Variants in DLGAP2 observed in about 807,000 individuals in gnomAD.
The protein encoded by DLGAP2 is DLG associated protein 2, also known as disks large-associated protein 2.
DLGAP2 carries 26 observed loss-of-function variants against 100.3 expected under a neutral mutation model. The ratio of observed to expected loss-of-function variants is 0.26; its 90% CI spans 0.19 to 0.36. The LOEUF (loss-of-function observed/expected upper bound fraction) is 0.36, where lower values mean the gene tolerates loss of function less well. Among genes scored for constraint, DLGAP2 ranks in the 10% least tolerant of loss-of-function variants. The probability of loss-of-function intolerance (pLI) is 1.00; values close to 1 mark genes in which losing one functional copy is unlikely to be tolerated. For missense variants in DLGAP2, 1,858 were observed against 1,453.2 expected (o/e 1.28, Z -4.53); for synonymous variants, 886 against 630.1 (o/e 1.41, Z -6.08).
chr8:1,240,290 G>A lies in DLGAP2; in HGVS notation c.74-18561G>A, dbSNP rs574010333. Among the ~76,000 whole-genome samples the A allele has an allele frequency of 3.2e-3, 200 of 62,326 alleles. 2 individuals carry two copies. Among genetic ancestry groups the A allele is most frequent in the African/African-American group, 6.7e-3 (159 of 23,862 alleles). The allele number at this position is 62,326 out of a possible 152,430, so 40.9% of individuals were successfully genotyped here. The stretch of plus-strand genomic sequence containing the variant: ...GCCGTGTCTAGTTCTGTTACATGGC[G>A]CCGTGTCTAGTTCTCTCACATGGTG... On this transcript the variant is annotated intron_variant, in intron 2 of 14. Coordinates refer to ENST00000637795, the MANE Select transcript of DLGAP2 (RefSeq NM_001346810.2).
chr8:1,241,103 C>T (rs868200667), intron 2 of DLGAP2, among the ~76,000 whole-genome samples: 10 of 104,754 alleles, frequency 9.5e-5, no homozygotes, highest in African/African-American at 3.2e-4. Flanking sequence ...CACATGGCGC[C>T]GTGTCTGGTT....
intron 2 of DLGAP2, among the ~76,000 whole-genome samples, chr8:1,141,595 C>G (rs1796523580): frequency 6.6e-6 from 1 of 152,104 alleles, no homozygotes; most frequent in Admixed American, 6.5e-5. Flanking sequence ...TACACCAATT[C>G]TAGAATATTT....
chr8:1,129,619 C>T (rs528414659), intron 2 of DLGAP2, among the ~76,000 whole-genome samples: 1 of 152,234 alleles, frequency 6.6e-6, no homozygotes, highest in African/African-American at 2.4e-5. Context: ...GCCAGTGTTG[C>T]CTCGTAGGTG....
chr8:1,522,441 C>A (rs567223710), intron 4 of DLGAP2, among the ~76,000 whole-genome samples: 3 of 152,200 alleles, frequency 2.0e-5, no homozygotes, highest in Non-Finnish European at 4.4e-5. Flanking sequence ...TTGCTCAGAG[C>A]ACGGGATCCA....
chr8:1,439,435 C>A (rs753267027), intron 3 of DLGAP2, among the ~76,000 whole-genome samples: 10 of 152,148 alleles, frequency 6.6e-5, no homozygotes, highest in African/African-American at 2.2e-4. Flanking sequence ...TAGTTCCTCA[C>A]GGGAGCCCAC....
At chr8:1,184,501 T>A (rs1797458010) in intron 2 of DLGAP2, among the ~76,000 whole-genome samples, 1 of 152,036 alleles carries the variant, frequency 6.6e-6, no homozygotes. Context: ...GTACCCGGGG[T>A]GCACGCGCTG....
chr8:1,041,224 C>A (rs1387109248), intron 2 of DLGAP2, among the ~76,000 whole-genome samples: 4 of 152,198 alleles, frequency 2.6e-5, no homozygotes, highest in African/African-American at 9.7e-5. Flanking sequence ...GCCACAGACC[C>A]CAAACCCACT....
chr8:1,213,628 C>T (rs1346279825), intron 2 of DLGAP2, among the ~76,000 whole-genome samples: 2 of 152,146 alleles, frequency 1.3e-5, no homozygotes, highest in Non-Finnish European at 2.9e-5. Context: ...TCATGCATTC[C>T]TTAGGGAGCT....
chr8:1,285,939 CA>C (rs1162173315), intron 3 of DLGAP2, among the ~76,000 whole-genome samples: 1 of 152,226 alleles, frequency 6.6e-6, no homozygotes, highest in Non-Finnish European at 1.5e-5. Flanking sequence ...GTCTGGGCAA[CA>C]GAGACCCTGT....
intron 3 of DLGAP2, among the ~76,000 whole-genome samples, chr8:1,454,349 T>C (rs1488643758): frequency 3.3e-5 from 5 of 151,586 alleles, no homozygotes; most frequent in Non-Finnish European, 5.9e-5. Flanking sequence ...TTTCTTCCTC[T>C]GTAACGTTTT....
chr8:1,277,722 A>G (rs1050759916), intron 3 of DLGAP2, among the ~76,000 whole-genome samples: 3 of 152,276 alleles, frequency 2.0e-5, no homozygotes, highest in African/African-American at 7.2e-5. Flanking sequence ...AGGTCGGGGC[A>G]GGAATCAGCA....
chr8:1,436,091 A>G (rs555828492), intron 3 of DLGAP2, among the ~76,000 whole-genome samples: 79 of 152,286 alleles, frequency 5.2e-4, no homozygotes, highest in African/African-American at 1.8e-3. Context: ...GGATAGGTGT[A>G]TATATGAAAG....
intron 3 of DLGAP2, among the ~76,000 whole-genome samples, chr8:1,273,182 C>T (rs943480093): frequency 3.3e-5 from 5 of 152,258 alleles, no homozygotes; most frequent in African/African-American, 1.2e-4. Flanking sequence ...TGGACCTGGC[C>T]GGGTTAGTCT....
At chr8:1,302,948 G>A (rs901342155) in intron 3 of DLGAP2, among the ~76,000 whole-genome samples, 10 of 152,196 alleles carry the variant, frequency 6.6e-5, no homozygotes, top group South Asian at 2.1e-4. Flanking sequence ...AAACATGCAC[G>A]TCCTTGGAGA....
At chr8:1,494,469 C>T (rs1476581131) in intron 3 of DLGAP2, among the ~76,000 whole-genome samples, 4 of 152,190 alleles carry the variant, frequency 2.6e-5, no homozygotes, top group Non-Finnish European at 5.9e-5. Context: ...CGGTGCCTCA[C>T]GCCTTAATCC....
intron 2 of DLGAP2, among the ~76,000 whole-genome samples, chr8:1,217,214 A>T (rs921547210): frequency 6.6e-6 from 1 of 152,094 alleles, no homozygotes; most frequent in Non-Finnish European, 1.5e-5. Flanking sequence ...TGGAGTATTT[A>T]GTTTTCTGTC....
intron 1 of DLGAP2, among the ~76,000 whole-genome samples, chr8:812,013 T>G (rs1796379752): frequency 6.6e-6 from 1 of 152,206 alleles, no homozygotes; most frequent in Non-Finnish European, 1.5e-5. Context: ...GTGGTGAGGC[T>G]TCCGGACTTC....
At chr8:1,130,983 A>G (rs890953785) in intron 2 of DLGAP2, among the ~76,000 whole-genome samples, 3 of 152,254 alleles carry the variant, frequency 2.0e-5, no homozygotes, top group Admixed American at 1.3e-4. Context: ...ACTGTTGCCC[A>G]GAGCACAGCT....
intron 1 of DLGAP2, among the ~76,000 whole-genome samples, chr8:890,169 CA>C (rs1798006089): frequency 6.6e-6 from 1 of 152,152 alleles, no homozygotes; most frequent in South Asian, 2.1e-4. Context: ...TGGGAGCCTC[CA>C]AACGGCTCTG....
Sources: gnomAD v4.1 joint callset for allele counts (sites outside exome capture counted in the v4.1 genomes callset) on GRCh38, gnomAD v4.1.1 for gene constraint, MANE v1.5 for transcripts, NCBI Gene and HGNC (gene_info 2026-07-23, HGNC 2026-07-21) for gene names.